The following ASXL3 variants were observed in gnomAD, a reference collection of about 807,000 sequenced individuals.
The protein encoded by ASXL3 is ASXL transcriptional regulator 3, also known as putative Polycomb group protein ASXL3.
ASXL3 carries 34 observed loss-of-function variants against 170.6 expected under a neutral mutation model. The ratio of observed to expected loss-of-function variants is 0.20; its 90% confidence interval spans 0.15 to 0.27. ASXL3 has a LOEUF of 0.27. Among genes scored for constraint, ASXL3 ranks in the 10% least tolerant of loss-of-function variants. The pLI is 1.00. For synonymous variants in ASXL3, 1,002 were observed against 989.1 expected (o/e 1.01, Z -0.24); for missense variants, 2,592 against 2,695.3 (o/e 0.96, Z 0.85).
chr18:33,601,575 C>T (rs1276387508), intron 1 of ASXL3, among the ~76,000 whole-genome samples: 1 of 151,376 alleles, frequency 6.6e-6, no homozygotes, highest in Non-Finnish European at 1.5e-5. Context: ...TTAACTTGGT[C>T]TTTGTTTATT....
intron 2 of ASXL3, among the ~76,000 whole-genome samples, chr18:33,628,809 A>G (rs1371599214): frequency 6.6e-6 from 1 of 152,130 alleles, no homozygotes. Context: ...TACATATGAC[A>G]GAGATGTGGT....
chr18:33,696,835 G>C (rs563855765), intron 8 of ASXL3, among the ~76,000 whole-genome samples: 1 of 152,242 alleles, frequency 6.6e-6, no homozygotes, highest in East Asian at 1.9e-4. Context: ...GGAAGGCTCA[G>C]CCTCAATGAT....
At position 33,743,939 on chromosome 18, in the gene ASXL3, G is replaced by GAATT; in HGVS notation, c.4094_4097dup (p.Asn1367Ter). On this transcript the variant is annotated frameshift_variant, in exon 12 of 12. Transcript: ENST00000269197. LOFTEE classifies it high-confidence loss of function. ...AGCTCTGTCTTGATTCCCCCAATGGGAATTAACAACAGATTTCCTTCTGAG... is the reference window on the plus strand; with the variant it reads ...AGCTCTGTCTTGATTCCCCCAATGGGAATTAATTAACAACAGATTTCCTTCTGAG... The GAATT allele has an allele frequency of 6.2e-7, 1 of 1,613,970 alleles. No individual in the cohort carries two copies.
chr18:33,670,460 G>A (rs1358854859), intron 5 of ASXL3, among the ~76,000 whole-genome samples: 1 of 152,052 alleles, frequency 6.6e-6, no homozygotes, highest in Non-Finnish European at 1.5e-5. Flanking sequence ...AAATGGTCTC[G>A]GGCTTATACC....
chr18:33,724,543 C>A (rs2067315335), intron 8 of ASXL3, among the ~76,000 whole-genome samples: 1 of 151,942 alleles, frequency 6.6e-6, no homozygotes, highest in Admixed American at 6.6e-5. Flanking sequence ...TGCATCAGTT[C>A]CCAAACTATT....
chr18:33,681,415 A>G (rs1271130250), intron 7 of ASXL3, among the ~76,000 whole-genome samples: 1 of 152,144 alleles, frequency 6.6e-6, no homozygotes, highest in African/African-American at 2.4e-5. Context: ...TACCAAAAAC[A>G]TTCTTATAAT....
chr18:33,670,527 A>T, intron 5 of ASXL3, 146 bp from the exon 6 acceptor site: 1 of 571,590 alleles, frequency 1.7e-6, no homozygotes, highest in Non-Finnish European at 2.9e-6. Flanking sequence ...GGTAACTATT[A>T]AGAATCCTGA....
chr18:33,665,781 A>G (rs1039199781), intron 5 of ASXL3, among the ~76,000 whole-genome samples: 4 of 152,084 alleles, frequency 2.6e-5, no homozygotes, highest in Admixed American at 6.6e-5. Context: ...TTTTTGGAAG[A>G]AAGTATTGCA....
intron 6 of ASXL3, 79 bp downstream of exon 6, chr18:33,670,869 T>A (rs1410153861): frequency 3.1e-6 from 3 of 953,102 alleles, no homozygotes. Flanking sequence ...GTCATGATTT[T>A]TTTTCTGAAA....
At chr18:33,623,976 T>C (rs541520487) in intron 2 of ASXL3, among the ~76,000 whole-genome samples, 8 of 152,078 alleles carry the variant, frequency 5.3e-5, no homozygotes, top group Non-Finnish European at 1.0e-4. Context: ...CTTGGAAATA[T>C]AGCAAGACCC....
chr18:33,709,311 AAAAC>A (rs1272797637), intron 8 of ASXL3, among the ~76,000 whole-genome samples: 1 of 151,908 alleles, frequency 6.6e-6, no homozygotes, highest in Non-Finnish European at 1.5e-5. Flanking sequence ...CAAAAAAAAA[AAAAC>A]AACAAAAACA....
intron 2 of ASXL3, among the ~76,000 whole-genome samples, chr18:33,636,320 ACAACAACAACAACAG>A (rs1330394744): frequency 9.6e-6 from 1 of 103,666 alleles, no homozygotes; most frequent in African/African-American, 3.9e-5. Context: ...AACAACAACA[ACAACAACAACAACAG>A]CAACAACAAC....
intron 8 of ASXL3, among the ~76,000 whole-genome samples, chr18:33,713,248 GTTTTT>G (rs1226619353): frequency 4.6e-5 from 3 of 65,078 alleles, no homozygotes; most frequent in African/African-American, 1.2e-4. Flanking sequence ...GTTTTGTTTT[GTTTTT>G]TTTTTTTTTT....
intron 2 of ASXL3, among the ~76,000 whole-genome samples, chr18:33,615,337 TCTC>T (rs2065405797): frequency 6.6e-6 from 1 of 152,088 alleles, no homozygotes; most frequent in South Asian, 2.1e-4. Flanking sequence ...CTTCCTTACC[TCTC>T]CTAGCCTTCA....
intron 11 of ASXL3, among the ~76,000 whole-genome samples, chr18:33,742,504 G>A (rs2067680974): frequency 6.6e-6 from 1 of 152,112 alleles, no homozygotes; most frequent in South Asian, 2.1e-4. Context: ...TAGAGTTGAA[G>A]TTCCACTTTT....
At chr18:33,578,724 C>G (rs996632808) in intron 1 of ASXL3, 39 bp downstream of exon 1, 2 of 1,153,156 alleles carry the variant, frequency 1.7e-6, no homozygotes, top group Non-Finnish European at 2.2e-6. Flanking sequence ...CGCCTCCCGC[C>G]GGCCCCGCCG....
rs549643723 is a variant in ASXL3 at position 33,682,767 on chromosome 18, G to A, written c.716-638G>A. On this transcript the variant is annotated intron_variant, in intron 7 of 11. Coordinates refer to ENST00000269197, the MANE Select transcript of ASXL3 (RefSeq NM_030632.3). ...TGGTCTCACCATGTTGCCCAAACGGGCCTTAAACTCCTGAGGTCAAGCAGT... is the reference window on the plus strand; with the variant it reads ...TGGTCTCACCATGTTGCCCAAACGGACCTTAAACTCCTGAGGTCAAGCAGT... Among the ~76,000 whole-genome samples the A allele has an allele frequency of 3.3e-5, 5 of 152,122 alleles. No individual in the cohort carries two copies. The South Asian group carries it at 1.0e-3, about 32-fold the overall frequency.
At chr18:33,628,751 TTTTC>T (rs953515762) in intron 2 of ASXL3, among the ~76,000 whole-genome samples, 2 of 125,290 alleles carry the variant, frequency 1.6e-5, no homozygotes, top group African/African-American at 2.7e-5. Context: ...CTGCAAAAAT[TTTTC>T]TATGTGGAAC....
intron 8 of ASXL3, among the ~76,000 whole-genome samples, chr18:33,698,045 T>A (rs1200895948): frequency 6.6e-6 from 1 of 152,054 alleles, no homozygotes; most frequent in African/African-American, 2.4e-5. Flanking sequence ...TGTACTATGG[T>A]ATGAATGTAG....
Sources: gnomAD v4.1 joint callset for allele counts (sites outside exome capture counted in the v4.1 genomes callset) on GRCh38, gnomAD v4.1.1 for gene constraint, MANE v1.5 for transcripts, NCBI Gene and HGNC (gene_info 2026-07-23, HGNC 2026-07-21) for gene names.